Variants in CSRP3 observed in about 807,000 individuals in gnomAD.
CSRP3 encodes the protein cysteine and glycine rich protein 3.
Under a neutral mutation model 24.3 loss-of-function variants are expected in CSRP3, and 24 were observed. The observed-to-expected ratio is 0.99, with a 90% CI of 0.71 to 1.39. The LOEUF (loss-of-function observed/expected upper bound fraction) is 1.39. CSRP3 is among the 40% of genes most tolerant of loss of function. The pLI, the probability that CSRP3 is intolerant of heterozygous loss-of-function variation, is 0.00. For synonymous variants in CSRP3, 105 were observed against 94.0 expected (o/e 1.12, Z -0.68); for missense variants, 240 against 249.0 (o/e 0.96, Z 0.24).
In CSRP3 at chr11:19,192,341, G is replaced by T; in HGVS notation, c.108C>A (p.His36Gln). 1 of 1,613,354 alleles carries T rather than the reference G, an allele frequency of 6.2e-7. No individual in the cohort carries two copies. The highest frequency in any genetic ancestry group is 1.1e-5 in the South Asian group (1 of 91,050). Residue 36 changes from histidine to glutamine, a missense_variant, in exon 2 of 6, where the codon CAC (histidine) becomes CAA (glutamine). His to Gln is a conservative substitution (Grantham distance 24). Coordinates refer to ENST00000265968, the MANE Select transcript of CSRP3 (RefSeq NM_003476.5). ...NGRSFHKTCF[H>Q]CMACRKALDS... is the part of the protein sequence containing the mutation. ...CAGGGTGTCCACCCAACTCACTGCA[G>T]TGGAAACACGTCTTGTGGAAACTCC...
intron 2 of CSRP3, among the ~76,000 whole-genome samples, chr11:19,191,237 G>T (rs1197333141): frequency 6.6e-6 from 1 of 152,188 alleles, no homozygotes; most frequent in Non-Finnish European, 1.5e-5. Context: ...TCTAATTCTA[G>T]AATTCTTTCT....
intron 2 of CSRP3, 96 bp downstream of exon 2, chr11:19,192,232 GGACCACACT>G: frequency 3.7e-6 from 3 of 807,188 alleles, no homozygotes; most frequent in Non-Finnish European, 6.5e-6. Context: ...GCTTGTCCCA[GGACCACACT>G]ATGAGAACCA....
At chr11:19,186,123 C>T in intron 4 of CSRP3, 93 bp downstream of exon 4, 1 of 1,509,908 alleles carries the variant, frequency 6.6e-7, no homozygotes. Flanking sequence ...GAGAGAATGA[C>T]AGCTGCTTGC....
In CSRP3 at chr11:19,184,976, T is replaced by TG. The variant is rs1436046253; in HGVS notation, c.483dup (p.Lys162GlnfsTer52). The TG allele has an allele frequency of 6.2e-7, 1 of 1,613,956 alleles. No homozygotes were observed. The highest frequency in any genetic ancestry group is 1.6e-4 in the Middle Eastern group (1 of 6,062). On this transcript the variant is annotated frameshift_variant, in exon 5 of 6. Transcript: ENST00000265968. LOFTEE classifies it high-confidence loss of function. ...CCTTTGCAATAAAGTTCCCCATCTT[T>TG]GTCAGTGACATTTGTGGACTCCAGA... is the stretch of plus-strand genomic sequence containing the variant.
chr11:19,183,510 G>A (rs1850472674), intron 5 of CSRP3, among the ~76,000 whole-genome samples: 7 of 152,142 alleles, frequency 4.6e-5, no homozygotes, highest in Admixed American at 4.6e-4. Context: ...CTTGTGAGAA[G>A]CTTTCCCCAT....
chr11:19,188,144 C>A lies in CSRP3; in HGVS notation c.273G>T (p.Gln91His). Residue 91 changes from glutamine to histidine, a missense_variant, in exon 3 of 6, where the codon CAG becomes CAT. Physicochemically the swap from Gln to His is conservative, Grantham distance 24. Coordinates refer to ENST00000265968, the MANE Select transcript of CSRP3 (RefSeq NM_003476.5). ...GCAGGGCAGTAACTCACTGTTGGAA[C>A]TGCAGGCCGAGATGCTCGCCCGTGT... ...STDTGEHLGL[Q>H]FQQSPKPARS... 2 of 1,614,210 alleles carry A rather than the reference C, an allele frequency of 1.2e-6. No individual in the cohort carries two copies. Among genetic ancestry groups the A allele is most frequent in the Non-Finnish European group, 8.5e-7 (1 of 1,180,040 alleles).
At chr11:19,189,047 A>G (rs533265128) in intron 2 of CSRP3, among the ~76,000 whole-genome samples, 1 of 152,372 alleles carries the variant, frequency 6.6e-6, no homozygotes, top group Non-Finnish European at 1.5e-5. Flanking sequence ...ATATCTACTT[A>G]TAATTTTAAT....
chr11:19,192,070 A>G (rs1049054397), intron 2 of CSRP3, among the ~76,000 whole-genome samples: 1 of 152,196 alleles, frequency 6.6e-6, no homozygotes, highest in African/African-American at 2.4e-5. Context: ...GAGCAGTGAC[A>G]GGCTAGCTTG....
chr11:19,197,085 G>A (rs963971673), intron 1 of CSRP3, among the ~76,000 whole-genome samples: 2 of 152,144 alleles, frequency 1.3e-5, no homozygotes, highest in African/African-American at 4.8e-5. Context: ...TGTGATCTGG[G>A]AAAACCGTTC....
Position 19,192,320 on chromosome 11 carries a change from G to C in CSRP3, c.112+17C>G. ...GTCCGGATGCTGAGGGGCCCCCAGG[G>C]TGTCCACCCAACTCACTGCAGTGGA... is the stretch of plus-strand genomic sequence containing the variant. On this transcript the variant is annotated intron_variant, in intron 2 of 5. Coordinates refer to ENST00000265968, the MANE Select transcript of CSRP3 (RefSeq NM_003476.5). 1 of 1,597,318 alleles carries C rather than the reference G, an allele frequency of 6.3e-7. No homozygotes were observed. Among genetic ancestry groups the C allele is most frequent in the Non-Finnish European group, 8.6e-7 (1 of 1,164,926 alleles).
At chr11:19,188,406 C>T (rs1850564720) in intron 2 of CSRP3, 102 bp from the exon 3 acceptor site, 5 of 1,238,548 alleles carry the variant, frequency 4.0e-6, no homozygotes, top group South Asian at 3.7e-5. Flanking sequence ...GCATGAGGGG[C>T]CCCTGAGCCA....
At chr11:19,191,630 G>A (rs1243633163) in intron 2 of CSRP3, among the ~76,000 whole-genome samples, 7 of 152,128 alleles carry the variant, frequency 4.6e-5, no homozygotes, top group Non-Finnish European at 8.8e-5. Context: ...CACATGACCC[G>A]GGCTTAGATG....
intron 1 of CSRP3, among the ~76,000 whole-genome samples, chr11:19,200,954 T>C (rs564153857): frequency 6.6e-6 from 1 of 152,300 alleles, no homozygotes; most frequent in Admixed American, 6.5e-5. Context: ...TTGAATCGTA[T>C]TGCAGAGACA....
intron 1 of CSRP3, chr11:19,196,713 G>A (rs1423180181): frequency 6.6e-6 from 1 of 152,222 alleles, no homozygotes; most frequent in Non-Finnish European, 1.5e-5. Context: ...ACTCGGCCCT[G>A]TTTGTAACCT....
At position 19,192,401 on chromosome 11, in the gene CSRP3, G is replaced by T; in HGVS notation, c.48C>A (p.Thr16=). ...ACTGGATTTCTTCTGCATGGTAGAC[G>T]GTCTTTTCACAGGCTCCACATTTTG... ...GGAKCGACEK[T]VYHAEEIQCN... The change falls in exon 2 of 6, where the codon ACC becomes ACA. Residue 16 remains threonine, a synonymous_variant. Coordinates refer to ENST00000265968, the MANE Select transcript of CSRP3 (RefSeq NM_003476.5). 1.2e-6 allele frequency: 2 copies of T among 1,614,144 alleles called. No individual in the cohort carries two copies. Among genetic ancestry groups the T allele is most frequent in the Non-Finnish European group, 1.7e-6 (2 of 1,180,026 alleles).
intron 5 of CSRP3, among the ~76,000 whole-genome samples, chr11:19,183,401 GA>G (rs1373224884): frequency 2.0e-5 from 3 of 151,974 alleles, no homozygotes; most frequent in Non-Finnish European, 4.4e-5. Flanking sequence ...AATGAACCAT[GA>G]TGTCCCAGCT....
chr11:19,199,077 G>C (rs1850792152), intron 1 of CSRP3, among the ~76,000 whole-genome samples: 1 of 152,218 alleles, frequency 6.6e-6, no homozygotes, highest in Non-Finnish European at 1.5e-5. Context: ...AATCAGCTTT[G>C]TTTTTCAGCC....
chr11:19,201,795 C>G (rs755265513), intron 1 of CSRP3, among the ~76,000 whole-genome samples, 159 bp downstream of exon 1: 8 of 152,246 alleles, frequency 5.3e-5, no homozygotes, highest in Non-Finnish European at 1.2e-4. Context: ...TAGATCCACA[C>G]CAGAGTCAAG....
At chr11:19,198,026 T>C (rs1318192416) in intron 1 of CSRP3, among the ~76,000 whole-genome samples, 1 of 152,196 alleles carries the variant, frequency 6.6e-6, no homozygotes, top group African/African-American at 2.4e-5. Context: ...TTCATGGGAC[T>C]GATATGTGTC....
Sources: gnomAD v4.1 joint callset for allele counts (sites outside exome capture counted in the v4.1 genomes callset) on GRCh38, gnomAD v4.1.1 for gene constraint, MANE v1.5 for transcripts, NCBI Gene and HGNC (gene_info 2026-07-23, HGNC 2026-07-21) for gene names.